The following FBXW10B variants were observed in gnomAD, a reference collection of about 807,000 sequenced individuals.
FBXW10B encodes F-box and WD repeat domain containing 10B.
chr17:15,612,575 C>T, the FBXW10B span: 3 of 1,370,934 alleles, frequency 2.2e-6, no homozygotes, highest in Non-Finnish European at 3.0e-6. Context: ...CTCTCGTCTT[C>T]CTTAAGGAGT....
chr17:15,567,705 G>T, the FBXW10B span, among the ~76,000 whole-genome samples: 3 of 152,040 alleles, frequency 2.0e-5, no homozygotes, highest in Admixed American at 1.3e-4. Context: ...GAGAAAAGAA[G>T]AATTCTAACC....
the FBXW10B span, among the ~76,000 whole-genome samples, chr17:15,604,776 A>G: frequency 6.6e-6 from 1 of 151,994 alleles, no homozygotes; most frequent in South Asian, 2.1e-4. Flanking sequence ...TGACCTCGTG[A>G]CCCGCCCACC....
chr17:15,589,635 A>AT, the FBXW10B span, among the ~76,000 whole-genome samples: 5 of 145,622 alleles, frequency 3.4e-5, no homozygotes, highest in African/African-American at 9.8e-5. Context: ...TCACAACTAA[A>AT]TTTGTGGGGT....
At chr17:15,575,659 C>A in the FBXW10B span, among the ~76,000 whole-genome samples, 2 of 148,772 alleles carry the variant, frequency 1.3e-5, no homozygotes, top group Non-Finnish European at 2.9e-5. Context: ...GCCTTAGCCC[C>A]TAGGTCCTCC....
chr17:15,600,088 T>C, the FBXW10B span, among the ~76,000 whole-genome samples: 2 of 151,418 alleles, frequency 1.3e-5, no homozygotes, highest in African/African-American at 2.4e-5. Flanking sequence ...TGGTGGCAGG[T>C]GCCTGTAGTC....
chr17:15,586,389 T>C, the FBXW10B span, among the ~76,000 whole-genome samples: 1 of 151,474 alleles, frequency 6.6e-6, no homozygotes, highest in African/African-American at 2.5e-5. Context: ...ATATTTGTTC[T>C]TGCTTCTGTT....
At chr17:15,581,660 C>T in the FBXW10B span, among the ~76,000 whole-genome samples, 11 of 151,898 alleles carry the variant, frequency 7.2e-5, no homozygotes, top group African/African-American at 1.5e-4. Flanking sequence ...TGGAGTGGAG[C>T]GGCTTATGTT....
At chr17:15,603,583 G>A in the FBXW10B span, among the ~76,000 whole-genome samples, 3 of 152,058 alleles carry the variant, frequency 2.0e-5, no homozygotes, top group Non-Finnish European at 4.4e-5. Context: ...AAGTGTTGGT[G>A]AGAATATATA....
chr17:15,570,047 AC>A, the FBXW10B span, among the ~76,000 whole-genome samples: 6 of 152,204 alleles, frequency 3.9e-5, no homozygotes, highest in African/African-American at 9.6e-5. Flanking sequence ...GGTGAACAAA[AC>A]AGAAAAATTC....
the FBXW10B span, among the ~76,000 whole-genome samples, chr17:15,587,100 C>T: frequency 3.1e-4 from 47 of 151,526 alleles, no homozygotes; most frequent in Non-Finnish European, 4.6e-4. Flanking sequence ...GTTAAACCAT[C>T]CCCTTGAAAT....
At chr17:15,598,039 TTTCC>T in the FBXW10B span, among the ~76,000 whole-genome samples, 40 of 152,166 alleles carry the variant, frequency 2.6e-4, no homozygotes, top group Non-Finnish European at 4.6e-4. Context: ...GTAAGTATGC[TTTCC>T]TTCACTTATA....
At chr17:15,611,556 G>A in the FBXW10B span, among the ~76,000 whole-genome samples, 12 of 152,078 alleles carry the variant, frequency 7.9e-5, no homozygotes, top group South Asian at 6.2e-4. Flanking sequence ...CAGCCACACC[G>A]TCCGCTACTC....
the FBXW10B span, among the ~76,000 whole-genome samples, chr17:15,614,659 T>G: frequency 6.6e-6 from 1 of 152,162 alleles, no homozygotes; most frequent in African/African-American, 2.4e-5. Flanking sequence ...GGAAAATGAA[T>G]GGAATAAAAT....
At chr17:15,576,182 T>C in the FBXW10B span, among the ~76,000 whole-genome samples, 2 of 152,184 alleles carry the variant, frequency 1.3e-5, no homozygotes, top group East Asian at 3.8e-4. Context: ...ATCTTATATA[T>C]ATATTTTTAG....
the FBXW10B span, chr17:15,574,191 C>T: frequency 2.8e-6 from 2 of 719,658 alleles, no homozygotes; most frequent in South Asian, 1.4e-5. Flanking sequence ...AGTCTGGGAG[C>T]AGACACAAAA....
chr17:15,579,933 A>C, the FBXW10B span, among the ~76,000 whole-genome samples: 5 of 151,754 alleles, frequency 3.3e-5, no homozygotes, highest in African/African-American at 9.7e-5. Flanking sequence ...AGAAAAAAAT[A>C]ATTCATAGAA....
the FBXW10B span, among the ~76,000 whole-genome samples, chr17:15,611,794 A>G: frequency 6.6e-6 from 1 of 152,232 alleles, no homozygotes; most frequent in African/African-American, 2.4e-5. Context: ...TAATGGTTTT[A>G]GGAATATCAA....
At chr17:15,582,781 C>T in the FBXW10B span, among the ~76,000 whole-genome samples, 1 of 152,124 alleles carries the variant, frequency 6.6e-6, no homozygotes, top group Non-Finnish European at 1.5e-5. Flanking sequence ...CATGATCACC[C>T]TCATGTCATT....
the FBXW10B span, chr17:15,615,651 T>G: frequency 6.2e-7 from 1 of 1,613,844 alleles, no homozygotes; most frequent in Non-Finnish European, 8.5e-7. Flanking sequence ...TTACCAGGGT[T>G]AGATGCTGCC....
Sources: allele counts gnomAD v4.1 joint callset (sites outside exome capture counted in the v4.1 genomes callset), GRCh38; gene constraint gnomAD v4.1.1; transcripts MANE v1.5; gene names NCBI Gene and HGNC (gene_info 2026-07-23, HGNC 2026-07-21).